The following SLC71A1 variants were observed in gnomAD, a reference collection of about 807,000 sequenced individuals.
SLC71A1 encodes solute carrier family 71 member 1.
the SLC71A1 span, chr1:100,082,447 G>T: frequency 3.9e-6 from 2 of 511,074 alleles, no homozygotes; most frequent in East Asian, 3.5e-5. Flanking sequence ...TTGCCACTAA[G>T]CTATTTGTTT....
the SLC71A1 span, chr1:100,078,775 A>G: frequency 2.6e-6 from 1 of 379,456 alleles, no homozygotes; most frequent in Non-Finnish European, 4.7e-6. Context: ...GTTCATAGAA[A>G]ATTTACTGAT....
chr1:100,063,819 G>A, the SLC71A1 span, among the ~76,000 whole-genome samples: 1 of 152,176 alleles, frequency 6.6e-6, no homozygotes, highest in African/African-American at 2.4e-5. Context: ...GGGGGGTGCG[G>A]GGTGACCCCT....
the SLC71A1 span, chr1:100,050,066 G>A: frequency 8.1e-6 from 7 of 868,178 alleles, no homozygotes; most frequent in Non-Finnish European, 1.3e-5. Context: ...CAGTTTTGGA[G>A]GAAAATGTGG....
chr1:100,038,593 C>T, the SLC71A1 span, among the ~76,000 whole-genome samples: 4 of 152,166 alleles, frequency 2.6e-5, no homozygotes, highest in African/African-American at 7.2e-5. Context: ...GCCTCGAACC[C>T]CACGTGCGCC....
chr1:100,068,697 A>G, the SLC71A1 span: 1 of 712,848 alleles, frequency 1.4e-6, no homozygotes, highest in Non-Finnish European at 2.4e-6. Context: ...AATGAATATC[A>G]TTGGACTTGG....
chr1:100,038,719 G>C, the SLC71A1 span, among the ~76,000 whole-genome samples: 1 of 152,338 alleles, frequency 6.6e-6, no homozygotes, highest in African/African-American at 2.4e-5. Flanking sequence ...CGCCGCGCTT[G>C]TCAAGGGGCT....
chr1:100,078,766 T>C, the SLC71A1 span: 1 of 403,110 alleles, frequency 2.5e-6, no homozygotes, highest in Non-Finnish European at 4.4e-6. Context: ...ATCTGTTCTG[T>C]TCATAGAAAA....
the SLC71A1 span, chr1:100,079,811 T>A: frequency 1.3e-5 from 2 of 152,044 alleles, no homozygotes; most frequent in African/African-American, 4.8e-5. Flanking sequence ...GGAAGCGGAG[T>A]TTGCAGTGAG....
chr1:100,043,059 AG>A, the SLC71A1 span: 1 of 976,894 alleles, frequency 1.0e-6, no homozygotes. Context: ...ATTAATATGC[AG>A]TTTTTTTTTC....
chr1:100,077,101 T>C, the SLC71A1 span: 1 of 767,278 alleles, frequency 1.3e-6, no homozygotes, highest in Non-Finnish European at 2.2e-6. Flanking sequence ...CCTTTTATAG[T>C]GTAGATTGAA....
At chr1:100,048,345 A>G in the SLC71A1 span, among the ~76,000 whole-genome samples, 2 of 152,046 alleles carry the variant, frequency 1.3e-5, no homozygotes, top group Non-Finnish European at 2.9e-5. Flanking sequence ...ATGCCCAGCT[A>G]ATTTTTGTAT....
the SLC71A1 span, among the ~76,000 whole-genome samples, chr1:100,060,938 A>G: frequency 1.3e-5 from 2 of 152,138 alleles, no homozygotes; most frequent in Admixed American, 1.3e-4. Context: ...TGTTATCTAC[A>G]AAGGCCCAAA....
At chr1:100,038,169 C>T in the SLC71A1 span, 3 of 1,418,476 alleles carry the variant, frequency 2.1e-6, no homozygotes, top group Non-Finnish European at 1.9e-6. Flanking sequence ...TGGGACGGCA[C>T]TAGCTGCTGG....
the SLC71A1 span, among the ~76,000 whole-genome samples, chr1:100,050,696 A>G: frequency 6.6e-6 from 1 of 152,234 alleles, no homozygotes; most frequent in South Asian, 2.1e-4. Context: ...GTTATTTAAT[A>G]GAAAAATTAT....
the SLC71A1 span, among the ~76,000 whole-genome samples, chr1:100,047,362 G>A: frequency 6.6e-6 from 1 of 152,144 alleles, no homozygotes; most frequent in Non-Finnish European, 1.5e-5. Context: ...ATAGATTTAT[G>A]TATGTTGGAC....
chr1:100,052,822 T>A, the SLC71A1 span, among the ~76,000 whole-genome samples: 37 of 151,686 alleles, frequency 2.4e-4, no homozygotes, highest in African/African-American at 8.9e-4. Context: ...CTCACTCTGT[T>A]GCCCAGGCTG....
the SLC71A1 span, chr1:100,077,173 C>A: frequency 4.0e-6 from 5 of 1,235,736 alleles, no homozygotes; most frequent in Non-Finnish European, 5.7e-6. Context: ...AGACCATAGT[C>A]TTGAGTTTAC....
At chr1:100,040,302 A>G in the SLC71A1 span, among the ~76,000 whole-genome samples, 2 of 149,410 alleles carry the variant, frequency 1.3e-5, no homozygotes, top group Admixed American at 6.6e-5. Context: ...ATATATTTCA[A>G]TAAATATCAG....
chr1:100,056,309 A>C, the SLC71A1 span, among the ~76,000 whole-genome samples: 1 of 151,926 alleles, frequency 6.6e-6, no homozygotes, highest in Non-Finnish European at 1.5e-5. Context: ...TAACATAATG[A>C]CCTCCAGTTC....
Sources: allele counts gnomAD v4.1 joint callset (sites outside exome capture counted in the v4.1 genomes callset), GRCh38; gene constraint gnomAD v4.1.1; transcripts MANE v1.5; gene names NCBI Gene and HGNC (gene_info 2026-07-23, HGNC 2026-07-21).